Variants in SATL1 observed in about 807,000 individuals in gnomAD.
The protein encoded by SATL1 is spermidine/spermine N(1)-acetyltransferase-like protein 1.
Under a neutral mutation model 51.8 loss-of-function variants are expected in SATL1, and 47 were observed. That is an observed-to-expected ratio of 0.91 (90% CI 0.72 to 1.16). SATL1 has a LOEUF of 1.16. SATL1 is among the 50% of genes most tolerant of loss of function. The pLI is 0.00. For missense variants in SATL1, 520 were observed against 526.4 expected (o/e 0.99, Z 0.12); for synonymous variants, 176 against 182.4 (o/e 0.97, Z 0.28).
intron 2 of SATL1, among the ~76,000 whole-genome samples, chrX:85,149,373 T>G (rs1027067183): frequency 9.0e-6 from 1 of 111,159 alleles, no homozygotes; most frequent in Non-Finnish European, 1.9e-5. Context: ...ATGGGAGACT[T>G]TAACACCCCA....
chrX:85,221,549 T>C (rs1032219631), intron 2 of SATL1, among the ~76,000 whole-genome samples: 2 of 112,062 alleles, frequency 1.8e-5, no homozygotes, highest in Non-Finnish European at 3.8e-5. Context: ...TCCATCTTGC[T>C]ATGTGCTCTA....
rs1925193856 is a variant in SATL1 at position 85,109,178 on chromosome X, C to A, written c.-210G>T. ...GGTGGGAATTGGAAAAAGAGAGGAG[C>A]ACCTCAGGAAGATTATTAATGCCTC... On this transcript the variant is annotated 5_prime_UTR_variant, in exon 3 of 8. Transcript: ENST00000644105. 2.3e-6 allele frequency: 1 copy of A among 431,848 alleles called. No homozygotes were observed. Among genetic ancestry groups the A allele is most frequent in the African/African-American group, 2.5e-5 (1 of 40,227 alleles). The allele number at this position is 431,848 out of a possible 1,213,427, so 35.6% of individuals were successfully genotyped here. A position where few individuals can be genotyped will look rare whatever the true frequency, so the allele number is the denominator to read the frequency against.
At chrX:85,237,788 G>T (rs1191753570) in intron 1 of SATL1, among the ~76,000 whole-genome samples, 1 of 111,204 alleles carries the variant, frequency 9.0e-6, no homozygotes, top group Non-Finnish European at 1.9e-5. Flanking sequence ...TTCACAAAAT[G>T]GGAGAATATA....
intron 2 of SATL1, chrX:85,210,972 C>G (rs1299227586): frequency 1.8e-5 from 2 of 111,318 alleles, no homozygotes; most frequent in African/African-American, 6.5e-5. Flanking sequence ...TAACCTCTAT[C>G]TTACCCTTGA....
chrX:85,175,133 G>T (rs747079658), intron 2 of SATL1, among the ~76,000 whole-genome samples: 22 of 111,328 alleles, frequency 2.0e-4, no homozygotes, highest in African/African-American at 7.2e-4. Flanking sequence ...CATCAACCAT[G>T]GAACTTGTTA....
At chrX:85,146,987 G>A (rs56347785) in intron 2 of SATL1, among the ~76,000 whole-genome samples, 12,825 of 112,183 alleles carry the variant, frequency 0.11, 610 homozygotes, top group South Asian at 0.17. Flanking sequence ...TGGGTGCAGC[G>A]CACCGTGCGA....
At position 85,132,365 on chromosome X, in the gene SATL1, T is replaced by C. The variant is rs189211671; in HGVS notation, c.-312-23085A>G. On this transcript the variant is annotated intron_variant, in intron 2 of 7. Transcript: ENST00000644105. Reference sequence around the variant, plus strand: ...TTCATTTCTTTTTACTCTTTTTTTTTCTAAACTTCTCTTATCGCTTCATTT... The same window carrying C: ...TTCATTTCTTTTTACTCTTTTTTTTCCTAAACTTCTCTTATCGCTTCATTT... Among the ~76,000 whole-genome samples, 340 of 111,289 alleles carry C rather than the reference T, an allele frequency of 3.1e-3. 4 individuals are homozygous for C. Among genetic ancestry groups the C allele is most frequent in the African/African-American group, 0.01 (309 of 30,598 alleles).
At chrX:85,128,199 C>G (rs1925678637) in intron 2 of SATL1, among the ~76,000 whole-genome samples, 1 of 111,574 alleles carries the variant, frequency 9.0e-6, no homozygotes, top group African/African-American at 3.3e-5. Context: ...ATTTCTAGTT[C>G]TAGATCCTTG....
chrX:85,233,276 C>T (rs1569251830), intron 1 of SATL1, among the ~76,000 whole-genome samples: 2 of 112,030 alleles, frequency 1.8e-5, no homozygotes, highest in African/African-American at 6.5e-5. Flanking sequence ...ACTTAGAACA[C>T]TGAAGTCCCT....
intron 2 of SATL1, among the ~76,000 whole-genome samples, chrX:85,179,478 T>C (rs1000058886): frequency 8.9e-6 from 1 of 111,817 alleles, no homozygotes; most frequent in African/African-American, 3.2e-5. Context: ...TCTTGATCTT[T>C]TCACTTACTT....
intron 2 of SATL1, among the ~76,000 whole-genome samples, chrX:85,171,893 C>T: frequency 9.0e-6 from 1 of 111,249 alleles, no homozygotes; most frequent in Admixed American, 9.6e-5. Flanking sequence ...AAAGAGAATG[C>T]CAAGTTAAAG....
chrX:85,225,641 G>A (rs757203710), intron 1 of SATL1, among the ~76,000 whole-genome samples: 5 of 111,905 alleles, frequency 4.5e-5, no homozygotes, highest in Non-Finnish European at 7.5e-5. Flanking sequence ...CCAGGAAGAG[G>A]GATCAGCAGG....
At chrX:85,236,017 T>C (rs1928474089) in intron 1 of SATL1, among the ~76,000 whole-genome samples, 1 of 111,017 alleles carries the variant, frequency 9.0e-6, no homozygotes, top group Non-Finnish European at 1.9e-5. Flanking sequence ...CACTACTAAT[T>C]CCACAGAAAT....
chrX:85,147,573 C>G (rs770949430), intron 2 of SATL1, among the ~76,000 whole-genome samples: 1 of 112,419 alleles, frequency 8.9e-6, no homozygotes, highest in African/African-American at 3.2e-5. Flanking sequence ...AGGCACCCCC[C>G]AGTAGGGGCA....
intron 2 of SATL1, among the ~76,000 whole-genome samples, chrX:85,179,499 A>G (rs1251141529): frequency 9.0e-6 from 1 of 111,482 alleles, no homozygotes; most frequent in Non-Finnish European, 1.9e-5. Flanking sequence ...GATTTATTTA[A>G]TCAGAACCTA....
chrX:85,198,863 G>A lies in SATL1; in HGVS notation c.-313+25342C>T, dbSNP rs757311379. 1.3e-4 allele frequency among the ~76,000 whole-genome samples: 14 copies of A among 106,583 alleles called. No individual in the cohort carries two copies. In the East Asian group the frequency reaches 3.8e-3, roughly 29 times the overall value. 92.6% of individuals were successfully genotyped at this position (106,583 alleles called of 115,157 possible). A position where few individuals can be genotyped will look rare whatever the true frequency, so the allele number is the denominator to read the frequency against. ...TTATTCATTCTTTTTTTTTTGAGAT[G>A]GAGTCTTGCTCTGTCGCCAGGCTGG... On this transcript the variant is annotated intron_variant, in intron 2 of 7. Coordinates refer to ENST00000644105, the MANE Select transcript of SATL1 (RefSeq NM_001367857.2).
intron 2 of SATL1, among the ~76,000 whole-genome samples, chrX:85,163,209 T>C (rs1926763413): frequency 9.4e-6 from 1 of 106,587 alleles, no homozygotes; most frequent in Non-Finnish European, 1.9e-5. Flanking sequence ...GTTGTTGTTG[T>C]TGGCAATTTC....
At chrX:85,165,148 G>T (rs760314220) in intron 2 of SATL1, among the ~76,000 whole-genome samples, 11 of 111,688 alleles carry the variant, frequency 9.8e-5, no homozygotes, top group Non-Finnish European at 1.5e-4. Context: ...CAGACATTTA[G>T]ATTTCTCCTC....
chrX:85,146,313 T>C (rs1288313413), intron 2 of SATL1, among the ~76,000 whole-genome samples: 3 of 111,815 alleles, frequency 2.7e-5, no homozygotes, highest in African/African-American at 9.8e-5. Context: ...TTATTGTCCA[T>C]TTAAAAATAA....
Sources: allele counts gnomAD v4.1 joint callset (sites outside exome capture counted in the v4.1 genomes callset), GRCh38; gene constraint gnomAD v4.1.1; transcripts MANE v1.5; gene names NCBI Gene and HGNC (gene_info 2026-07-23, HGNC 2026-07-21).